Variants in CCNJ observed in about 807,000 individuals in gnomAD.
The protein encoded by CCNJ is cyclin-J.
CCNJ carries 12 observed loss-of-function variants against 41.4 expected under a neutral mutation model. The observed-to-expected ratio is 0.29, with a 90% CI of 0.19 to 0.47. The LOEUF (loss-of-function observed/expected upper bound fraction) is 0.47, where lower values mean the gene tolerates loss of function less well. Among genes scored for constraint, CCNJ ranks in the 20% least tolerant of loss-of-function variants. The pLI is 1.00. For synonymous variants in CCNJ, 161 were observed against 173.4 expected (o/e 0.93, Z 0.56); for missense variants, 340 against 464.6 (o/e 0.73, Z 2.47).
intron 2 of CCNJ, among the ~76,000 whole-genome samples, chr10:96,045,926 C>A (rs1022293493): frequency 6.6e-6 from 1 of 152,036 alleles, no homozygotes; most frequent in African/African-American, 2.4e-5. Flanking sequence ...TGAGCCACTG[C>A]GCCCAGCCAA....
At chr10:96,043,562 G>C (rs929509256), upstream of CCNJ, 1 of 394,748 alleles carries the variant, frequency 2.5e-6, no homozygotes, top group South Asian at 1.3e-4. Flanking sequence ...CTTTGTATGC[G>C]GAGCCGCCTG....
chr10:96,044,448 G>A lies in CCNJ; in HGVS notation c.55G>A (p.Ala19Thr), dbSNP rs1285563894. 2.6e-6 allele frequency: 4 copies of A among 1,558,776 alleles called. No individual in the cohort carries two copies. The highest frequency in any genetic ancestry group is 3.5e-6 in the Non-Finnish European group (4 of 1,147,148). Residue 19 changes from alanine (A) to threonine (T), a missense_variant, in exon 2 of 6, where the codon GCG becomes ACG. Around this residue, in one of 3 missense-constraint regions of CCNJ, gnomAD observed 44 missense variants for 43.6 expected, o/e 1.01. Coordinates refer to ENST00000465148, the MANE Select transcript of CCNJ (RefSeq NM_001134375.2). ...RGQLAADIHQALRYKELKLPS... is the reference protein window; with the variant it reads ...RGQLAADIHQTLRYKELKLPS... ...ACAGCTGGCCGCCGATATTCACCAAGCGCTTCGCTACAAGGTAACTCCGAG... is the reference window on the plus strand; with the variant it reads ...ACAGCTGGCCGCCGATATTCACCAAACGCTTCGCTACAAGGTAACTCCGAG...
intron 3 of CCNJ, among the ~76,000 whole-genome samples, chr10:96,054,046 C>G (rs2080608389): frequency 6.6e-6 from 1 of 152,100 alleles, no homozygotes; most frequent in African/African-American, 2.4e-5. Context: ...TACCACATAC[C>G]TACTATTCAC....
chr10:96,049,630 T>C (rs1213261193), intron 2 of CCNJ, among the ~76,000 whole-genome samples: 3 of 152,132 alleles, frequency 2.0e-5, no homozygotes, highest in East Asian at 3.9e-4. Context: ...TCTTTCTCTA[T>C]GCTCTGGAAA....
chr10:96,050,203 G>T, intron 2 of CCNJ, 53 bp from the exon 3 acceptor site: 5 of 1,162,198 alleles, frequency 4.3e-6, no homozygotes, highest in Non-Finnish European at 6.5e-6. Flanking sequence ...TCATTGCCTT[G>T]TGGGGATACG....
chr10:96,044,414 G>A lies in CCNJ; in HGVS notation c.21G>A (p.Trp7Ter). Residue 7 changes from tryptophan (W) to a stop codon, truncating the protein, a stop_gained, in exon 2 of 6, where the codon TGG (tryptophan) becomes TGA (stop). Coordinates refer to ENST00000465148, the MANE Select transcript of CCNJ (RefSeq NM_001134375.2). LOFTEE classifies it high-confidence loss of function. ...GTCCCATGGAGCTGGAGGGGCAGTG[G>A]TGGCGAGGACAGCTGGCCGCCGATA... MELEGQ[W>*]WRGQLAADIH... 6.4e-7 allele frequency: 1 copy of A among 1,564,828 alleles called. No homozygotes were observed. Among genetic ancestry groups the A allele is most frequent in the Non-Finnish European group, 8.7e-7 (1 of 1,151,284 alleles).
intron 3 of CCNJ, among the ~76,000 whole-genome samples, chr10:96,056,132 AC>A (rs2080681116): frequency 6.6e-6 from 1 of 152,024 alleles, no homozygotes; most frequent in Non-Finnish European, 1.5e-5. Context: ...ACATGGTGAA[AC>A]CCCGTCTCTA....
intron 1 of CCNJ, 148 bp from the exon 2 acceptor site, chr10:96,044,205 G>A (rs1030876186): frequency 4.8e-6 from 2 of 415,562 alleles, no homozygotes; most frequent in Non-Finnish European, 8.4e-6. Context: ...TGGCGTTGGG[G>A]GAAACGACTC....
chr10:96,050,363 T>C lies in CCNJ; in HGVS notation c.177T>C (p.Ser59=). Residue 59 remains serine, a synonymous_variant, in exon 3 of 6, where the codon TCT becomes TCC. Coordinates refer to ENST00000465148, the MANE Select transcript of CCNJ (RefSeq NM_001134375.2). ...GCAATCGCTTCACACTCTGCCCTTC[T>C]GCCCGCCATCTTGCTGTCTATTTAC... ...IVSNRFTLCP[S]ARHLAVYLLD... 1 of 1,614,144 alleles carries C rather than the reference T, an allele frequency of 6.2e-7. No individual in the cohort carries two copies.
chr10:96,044,806 G>A (rs1254395312), intron 2 of CCNJ, among the ~76,000 whole-genome samples: 3 of 152,190 alleles, frequency 2.0e-5, no homozygotes, highest in Non-Finnish European at 2.9e-5. Flanking sequence ...GAGAGTTGCC[G>A]TTGCATGCAG....
At chr10:96,056,202 G>T (rs929769085) in intron 3 of CCNJ, among the ~76,000 whole-genome samples, 1 of 151,726 alleles carries the variant, frequency 6.6e-6, no homozygotes, top group Non-Finnish European at 1.5e-5. Flanking sequence ...CCAGCTACTC[G>T]GGAGGCTGAG....
intron 3 of CCNJ, among the ~76,000 whole-genome samples, chr10:96,051,921 T>G (rs1367938948): frequency 6.6e-6 from 1 of 152,192 alleles, no homozygotes; most frequent in Non-Finnish European, 1.5e-5. Flanking sequence ...TATATTAAGG[T>G]GGAAACTGCT....
At chr10:96,053,192 C>CTCTGATTGGAGAGCTATGTGTAGT (rs2080579283) in intron 3 of CCNJ, among the ~76,000 whole-genome samples, 2 of 53,068 alleles carry the variant, frequency 3.8e-5, no homozygotes, top group Non-Finnish European at 8.4e-5. Flanking sequence ...TACAGATTAT[C>CTCTGATTGGAGAGCTATGTGTAGT]TCTGATTGGA....
chr10:96,051,873 A>G (rs1048351809), intron 3 of CCNJ, among the ~76,000 whole-genome samples: 8 of 152,218 alleles, frequency 5.3e-5, no homozygotes, highest in African/African-American at 1.9e-4. Flanking sequence ...GGCTGAATGT[A>G]AATAAAACAC....
At position 96,054,688 on chromosome 10, in the gene CCNJ, TATCTG is replaced by T. The variant is rs144588741; in HGVS notation, c.281-2011_281-2007del. On this transcript the variant is annotated intron_variant, in intron 3 of 5. Coordinates refer to ENST00000465148, the MANE Select transcript of CCNJ (RefSeq NM_001134375.2). ...CTTCCATTTTTGGTTTGATTTAACT[TATCTG>T]ACCTTAAATGGATTGGCCAACCTCG... 2.4e-3 allele frequency among the ~76,000 whole-genome samples: 358 copies of T among 152,328 alleles called. 2 individuals carry two copies. Among genetic ancestry groups the T allele is most frequent in the African/African-American group, 7.8e-3 (323 of 41,580 alleles).
At chr10:96,052,496 G>A (rs2080558006) in intron 3 of CCNJ, among the ~76,000 whole-genome samples, 1 of 152,142 alleles carries the variant, frequency 6.6e-6, no homozygotes, top group Non-Finnish European at 1.5e-5. Context: ...GTGTAGCGTG[G>A]GCCAAGTGGG....
At position 96,058,927 on chromosome 10, in the gene CCNJ, C is replaced by T. The variant is rs75943857; in HGVS notation, c.*686C>T. ...CTTTTTTTCCCTAAGTGATCAACAT[C>T]AAATTTTTAGAATTAAAATACATTT... is the stretch of plus-strand genomic sequence containing the variant. On this transcript the variant is annotated 3_prime_UTR_variant, in exon 6 of 6. Transcript: ENST00000465148. 5.6e-3 allele frequency: 866 copies of T among 155,300 alleles called. 3 individuals carry two copies. The highest frequency in any genetic ancestry group is 8.5e-3 in the Non-Finnish European group (596 of 69,976). 9.6% of individuals were successfully genotyped at this position (155,300 alleles called of 1,614,324 possible). A position where few individuals can be genotyped will look rare whatever the true frequency, so the allele number is the denominator to read the frequency against.
At chr10:96,044,312 G>A in intron 1 of CCNJ, 41 bp from the exon 2 acceptor site, 5 of 1,168,238 alleles carry the variant, frequency 4.3e-6, no homozygotes, top group Non-Finnish European at 5.7e-6. Flanking sequence ...AGAGGGTCGC[G>A]GGGGAGCCGG....
intron 2 of CCNJ, among the ~76,000 whole-genome samples, chr10:96,047,686 T>C (rs2080401699): frequency 6.6e-6 from 1 of 152,256 alleles, no homozygotes; most frequent in Non-Finnish European, 1.5e-5. Context: ...TTACATTGAC[T>C]ATTTTATCCA....
Sources: gnomAD v4.1 joint callset for allele counts (sites outside exome capture counted in the v4.1 genomes callset) on GRCh38, gnomAD v4.1.1 for gene constraint, gnomAD v4.1.1 regional missense constraint, MANE v1.5 for transcripts, NCBI Gene and HGNC (gene_info 2026-07-23, HGNC 2026-07-21) for gene names.